LRIG1: variants seen among roughly 807,000 people sequenced by gnomAD.
The protein encoded by LRIG1 is leucine rich repeats and immunoglobulin like domains 1, also known as leucine-rich repeats and immunoglobulin-like domains protein 1.
In LRIG1, 48 loss-of-function variants were observed where a neutral mutation model predicts 99.2. The observed-to-expected ratio is 0.48, with a 90% CI of 0.38 to 0.62. The LOEUF is 0.62. LRIG1 is among the 20% of genes least tolerant of loss of function. LRIG1 has a pLI of 0.00. For synonymous variants in LRIG1, 772 were observed against 596.1 expected, an observed-to-expected ratio of 1.29 and a Z score of -4.30; for missense variants, 1,646 against 1,434.4, an observed-to-expected ratio of 1.15 and a Z score of -2.38.
At chr3:66,466,000 C>T (rs1253195653) in intron 1 of LRIG1, among the ~76,000 whole-genome samples, 6 of 152,132 alleles carry the variant, frequency 3.9e-5, no homozygotes, top group Admixed American at 1.3e-4. Context: ...AACATAATGT[C>T]TTCAAGATTC....
chr3:66,476,899 C>CA (rs1472318216), intron 1 of LRIG1, among the ~76,000 whole-genome samples: 7 of 152,168 alleles, frequency 4.6e-5, no homozygotes, highest in African/African-American at 1.7e-4. Context: ...CAGCAGGCTG[C>CA]AAAACACTTC....
In LRIG1 at chr3:66,500,571, G is replaced by C; in HGVS notation, c.-164C>G. On this transcript the variant is annotated 5_prime_UTR_variant, in exon 1 of 19. Transcript: ENST00000273261. Reference sequence around the variant, plus strand: ...TGCGGCCGCGGCTCCGGCACTCAGCGTGCCCCCGGTGCCCGGGCCGCTCCG... The same window carrying C: ...TGCGGCCGCGGCTCCGGCACTCAGCCTGCCCCCGGTGCCCGGGCCGCTCCG... 1 of 382,918 alleles carries C rather than the reference G, an allele frequency of 2.6e-6. No homozygotes were observed. Among genetic ancestry groups the C allele is most frequent in the Non-Finnish European group, 4.5e-6 (1 of 220,860 alleles). The allele number at this position is 382,918 out of a possible 1,614,324, so 23.7% of individuals were successfully genotyped here.
chr3:66,439,112 G>A (rs1470977111), intron 3 of LRIG1, among the ~76,000 whole-genome samples: 1 of 152,214 alleles, frequency 6.6e-6, no homozygotes, highest in African/African-American at 2.4e-5. Context: ...AGCCCGTGAG[G>A]AAAGCCAGGT....
At chr3:66,382,960 A>C (rs1465642426) in intron 15 of LRIG1, 22 bp downstream of exon 15, 1 of 1,573,774 alleles carries the variant, frequency 6.4e-7, no homozygotes, top group Non-Finnish European at 8.7e-7. Context: ...CTTGAAAGTC[A>C]GCTCCGCTGG....
In LRIG1 at chr3:66,419,327, C is replaced by T. The variant is rs551522354; in HGVS notation, c.366-2061G>A. The stretch of plus-strand genomic sequence containing the variant: ...TTTGCTCCTTGTCAGTCTTTTCATT[C>T]GCTGAATCAAACACAATCCGGGCCC... On this transcript the variant is annotated intron_variant, in intron 3 of 18. Transcript: ENST00000273261. Among the ~76,000 whole-genome samples the T allele has an allele frequency of 6.6e-5, 10 of 152,222 alleles. 1 individual carries two copies. Among genetic ancestry groups the T allele is most frequent in the Admixed American group, 5.2e-4 (8 of 15,294 alleles).
rs973320698 is a variant in LRIG1 at position 66,383,181 on chromosome 3, C to T, written c.2292G>A (p.Glu764=). 1.2e-6 allele frequency: 2 copies of T among 1,614,130 alleles called. No homozygotes were observed. The highest frequency in any genetic ancestry group is 1.7e-5 in the Admixed American group (1 of 60,012). ...GCTCCGTGCCCAGGGTGTTGGACAT[C>T]TCACAGGTATATCGGCCCGCATCCT... The part of the protein sequence containing the change: ...VAEDAGRYTC[E]MSNTLGTERA... The change falls in exon 15 of 19, where the codon GAG becomes GAA. Residue 764 remains glutamate, a synonymous_variant. Transcript: ENST00000273261.
intron 12 of LRIG1, among the ~76,000 whole-genome samples, chr3:66,392,031 A>C (rs1427782050): frequency 1.3e-5 from 2 of 152,204 alleles, no homozygotes; most frequent in African/African-American, 4.8e-5. Flanking sequence ...CATTCTGGAC[A>C]TTTCTATGAA....
chr3:66,500,165 A>G, intron 1 of LRIG1, 25 bp downstream of exon 1: 1 of 1,501,582 alleles, frequency 6.7e-7, no homozygotes, highest in Middle Eastern at 2.3e-4. Context: ...CGGGGCGCAG[A>G]GAGGGCGGAA....
intron 2 of LRIG1, among the ~76,000 whole-genome samples, chr3:66,459,219 A>G (rs1161900295): frequency 6.6e-6 from 1 of 152,086 alleles, no homozygotes; most frequent in African/African-American, 2.4e-5. Context: ...TGGGACATAA[A>G]CTCTAACAAG....
rs556995865 is a variant in LRIG1 at position 66,406,190 on chromosome 3, G to T, written c.1080-912C>A. ...TGAAATGCTGGCGGTGACCTTTCTT[G>T]TCACAGCAGGAAGGTCAAATAGTGG... On this transcript the variant is annotated intron_variant, in intron 8 of 18. Transcript: ENST00000273261. The T allele has an allele frequency of 3.8e-5, 37 of 985,230 alleles. No homozygotes were observed. The African/African-American group carries it at 6.3e-4, about 17-fold the overall frequency. 61.0% of individuals were successfully genotyped at this position (985,230 alleles called of 1,614,324 possible).
chr3:66,435,278 G>C (rs529785666), intron 3 of LRIG1, among the ~76,000 whole-genome samples: 1 of 152,160 alleles, frequency 6.6e-6, no homozygotes, highest in Admixed American at 6.5e-5. Flanking sequence ...ACCAGGGGGG[G>C]CTAGGCATGG....
intron 1 of LRIG1, among the ~76,000 whole-genome samples, chr3:66,470,915 C>T (rs1197596240): frequency 6.6e-6 from 1 of 152,130 alleles, no homozygotes; most frequent in Admixed American, 6.5e-5. Context: ...ATCTTTAGTG[C>T]AGTTTAGTAC....
At chr3:66,407,308 A>C (rs1168626958) in intron 8 of LRIG1, 40 bp downstream of exon 8, 1 of 1,612,524 alleles carries the variant, frequency 6.2e-7, no homozygotes, top group Middle Eastern at 1.7e-4. Context: ...TGCTCTCCCC[A>C]CTGGGGACCC....
At position 66,412,830 on chromosome 3, in the gene LRIG1, C is replaced by CA. The variant is rs1702513039; in HGVS notation, c.791+40dup. ...ACACGCCACATCACACCACACCGCA[C>CA]AGCAATCCTTAGCAATGCCAGTAAC... On this transcript the variant is annotated intron_variant, in intron 6 of 18. Transcript: ENST00000273261. 5.6e-6 allele frequency: 9 copies of CA among 1,609,010 alleles called. No individual in the cohort carries two copies. In the African/African-American group the frequency reaches 6.7e-5, roughly 12 times the overall value.
intron 3 of LRIG1, among the ~76,000 whole-genome samples, chr3:66,436,825 C>T (rs1703377291): frequency 6.6e-6 from 1 of 152,152 alleles, no homozygotes; most frequent in Non-Finnish European, 1.5e-5. Context: ...CAAAATCTCC[C>T]TTCCTACCTC....
intron 12 of LRIG1, among the ~76,000 whole-genome samples, chr3:66,392,935 G>A (rs913279351): frequency 2.6e-5 from 4 of 152,198 alleles, no homozygotes; most frequent in Middle Eastern, 3.2e-3. Context: ...AAGACAGATC[G>A]GTATGAAAAG....
intron 6 of LRIG1, 121 bp downstream of exon 6, chr3:66,412,750 A>G: frequency 1.7e-6 from 2 of 1,153,562 alleles, no homozygotes; most frequent in South Asian, 2.8e-5. Flanking sequence ...GTGGGCGCAC[A>G]CACCCAACAC....
intron 3 of LRIG1, among the ~76,000 whole-genome samples, chr3:66,451,353 A>G (rs902051317): frequency 6.6e-6 from 1 of 152,024 alleles, no homozygotes; most frequent in African/African-American, 2.4e-5. Context: ...CAAATTAAAG[A>G]TGAGGTAAAA....
At chr3:66,452,608 C>A (rs1005615150) in intron 2 of LRIG1, among the ~76,000 whole-genome samples, 9 of 152,118 alleles carry the variant, frequency 5.9e-5, no homozygotes, top group Non-Finnish European at 1.2e-4. Context: ...AAGGGAGGTA[C>A]GTCTAACACA....
Sources: gnomAD v4.1 joint callset for allele counts (sites outside exome capture counted in the v4.1 genomes callset) on GRCh38, gnomAD v4.1.1 for gene constraint, MANE v1.5 for transcripts, NCBI Gene and HGNC (gene_info 2026-07-23, HGNC 2026-07-21) for gene names.